The following FGF12 variants were observed in gnomAD, a reference collection of about 807,000 sequenced individuals.
FGF12 encodes the protein fibroblast growth factor 12B.
FGF12 carries 14 observed loss-of-function variants against 23.6 expected under a neutral mutation model. The observed-to-expected ratio is 0.59, with a 90% CI of 0.39 to 0.93. FGF12 has a LOEUF of 0.93. FGF12 is among the 40% of genes least tolerant of loss of function. The pLI is 0.00. For synonymous variants in FGF12, 62 were observed against 77.3 expected (o/e 0.80, Z 1.04); for missense variants, 175 against 217.8 (o/e 0.80, Z 1.24).
At chr3:192,569,477 T>C (rs1377122107) in intron 2 of FGF12, among the ~76,000 whole-genome samples, 1 of 152,228 alleles carries the variant, frequency 6.6e-6, no homozygotes, top group African/African-American at 2.4e-5. Flanking sequence ...AGTAATTAAA[T>C]ATTTATACAC....
At chr3:192,367,839 G>A (rs1011064947) in intron 2 of FGF12, among the ~76,000 whole-genome samples, 3 of 152,182 alleles carry the variant, frequency 2.0e-5, no homozygotes, top group Admixed American at 6.6e-5. Flanking sequence ...CCTCATCTTC[G>A]ATCTCCCCAT....
Position 192,140,710 on chromosome 3 carries a change from A to C in FGF12, c.*3299T>G, listed in dbSNP as rs1713321499. On this transcript the variant is annotated 3_prime_UTR_variant, in exon 6 of 6. Coordinates refer to ENST00000445105, the MANE Select transcript of FGF12 (RefSeq NM_004113.6). ...AGCTTTCTGAATTAGAATGAGGCCC[A>C]TAAAGCATCACATTGCATTACATTG... is the stretch of plus-strand genomic sequence containing the variant. The C allele has an allele frequency of 6.6e-6, 1 of 152,026 alleles. No homozygotes were observed. Among genetic ancestry groups the C allele is most frequent in the African/African-American group, 2.4e-5 (1 of 41,436 alleles). 9.4% of individuals were successfully genotyped at this position (152,026 alleles called of 1,614,324 possible).
intron 2 of FGF12, among the ~76,000 whole-genome samples, chr3:192,695,679 A>G (rs1718096506): frequency 6.6e-6 from 1 of 152,226 alleles, no homozygotes; most frequent in South Asian, 2.1e-4. Flanking sequence ...AAATTCTATT[A>G]GAATTTTCCC....
chr3:192,580,921 C>T (rs909877919), intron 2 of FGF12, among the ~76,000 whole-genome samples: 1 of 152,114 alleles, frequency 6.6e-6, no homozygotes, highest in African/African-American at 2.4e-5. Context: ...TTTAATGACA[C>T]TAATACATGT....
intron 3 of FGF12, among the ~76,000 whole-genome samples, chr3:192,359,940 A>G (rs997846477): frequency 4.0e-5 from 6 of 149,264 alleles, no homozygotes; most frequent in African/African-American, 1.5e-4. Context: ...CTTTAACATA[A>G]AATAACATAT....
At chr3:192,231,127 C>A (rs1039267449) in intron 4 of FGF12, among the ~76,000 whole-genome samples, 1 of 152,142 alleles carries the variant, frequency 6.6e-6, no homozygotes, top group African/African-American at 2.4e-5. Flanking sequence ...CCTATACCAT[C>A]CTCTCTGGCC....
intron 2 of FGF12, among the ~76,000 whole-genome samples, chr3:192,388,857 C>T (rs1720167783): frequency 6.6e-6 from 1 of 151,296 alleles, no homozygotes; most frequent in South Asian, 2.1e-4. Context: ...AGAAGAATAA[C>T]AAAATAAGCA....
At chr3:192,421,848 C>T (rs980848644) in intron 2 of FGF12, among the ~76,000 whole-genome samples, 3 of 151,820 alleles carry the variant, frequency 2.0e-5, no homozygotes, top group African/African-American at 7.3e-5. Context: ...TGACTCATCT[C>T]AACGAAACTC....
At chr3:192,234,495 G>T (rs1719181360) in intron 4 of FGF12, among the ~76,000 whole-genome samples, 2 of 152,176 alleles carry the variant, frequency 1.3e-5, no homozygotes, top group African/African-American at 4.8e-5. Context: ...GAGATAATTT[G>T]ACTCCCTCTC....
intron 2 of FGF12, among the ~76,000 whole-genome samples, chr3:192,394,546 T>C (rs1720438699): frequency 6.6e-6 from 1 of 152,106 alleles, no homozygotes; most frequent in Non-Finnish European, 1.5e-5. Context: ...TCAAGAATAA[T>C]AAAGCTGAAA....
intron 2 of FGF12, among the ~76,000 whole-genome samples, chr3:192,519,794 GT>G (rs1475512887): frequency 6.6e-6 from 1 of 152,120 alleles, no homozygotes; most frequent in Non-Finnish European, 1.5e-5. Flanking sequence ...ATTTATATCA[GT>G]ATGGCCTCAA....
chr3:192,372,022 T>C (rs1471788886), intron 2 of FGF12, among the ~76,000 whole-genome samples: 4 of 152,146 alleles, frequency 2.6e-5, no homozygotes, highest in Admixed American at 2.6e-4. Flanking sequence ...TTTGGCCTCC[T>C]GTCACAAAAA....
At chr3:192,484,428 A>C (rs74785692) in intron 2 of FGF12, among the ~76,000 whole-genome samples, 3,289 of 152,202 alleles carry the variant, frequency 0.022, 89 homozygotes, top group African/African-American at 0.073. Context: ...CAGTCAGTGC[A>C]TGATAAAATA....
intron 2 of FGF12, among the ~76,000 whole-genome samples, chr3:192,646,893 T>A (rs1035694308): frequency 2.6e-5 from 4 of 152,138 alleles, no homozygotes; most frequent in Non-Finnish European, 5.9e-5. Context: ...AAGTTTTTTT[T>A]AAATGTCATG....
intron 2 of FGF12, among the ~76,000 whole-genome samples, chr3:192,667,375 G>A (rs550301628): frequency 1.3e-5 from 2 of 152,062 alleles, no homozygotes; most frequent in African/African-American, 4.8e-5. Flanking sequence ...AGGCCAAAGC[G>A]GGTGGATCAC....
intron 4 of FGF12, among the ~76,000 whole-genome samples, chr3:192,234,327 T>A (rs550434297): frequency 6.6e-6 from 1 of 152,282 alleles, no homozygotes; most frequent in South Asian, 2.1e-4. Flanking sequence ...GTGAATGGGA[T>A]CAAATTCTTG....
At chr3:192,221,274 G>A (rs796798527) in intron 4 of FGF12, among the ~76,000 whole-genome samples, 5 of 152,124 alleles carry the variant, frequency 3.3e-5, no homozygotes, top group East Asian at 1.9e-4. Context: ...TTCATGTTCC[G>A]GAGCCTTCTC....
At chr3:192,403,008 T>C (rs74769604) in intron 2 of FGF12, among the ~76,000 whole-genome samples, 1 of 152,184 alleles carries the variant, frequency 6.6e-6, no homozygotes, top group Non-Finnish European at 1.5e-5. Context: ...ATACAATCTA[T>C]AATAATTCTA....
chr3:192,407,951 G>T, intron 2 of FGF12: 1 of 1,452,586 alleles, frequency 6.9e-7, no homozygotes. Flanking sequence ...CTTCCACGGG[G>T]GTCCCGAGGT....
Sources: allele counts gnomAD v4.1 joint callset (sites outside exome capture counted in the v4.1 genomes callset), GRCh38; gene constraint gnomAD v4.1.1; transcripts MANE v1.5; gene names NCBI Gene and HGNC (gene_info 2026-07-23, HGNC 2026-07-21).